The following KDM4B variants were observed in gnomAD, a reference collection of about 807,000 sequenced individuals.
KDM4B encodes the protein lysine-specific demethylase 4B.
A neutral mutation model predicts 125.2 loss-of-function variants in KDM4B; 32 were observed. That is an observed-to-expected ratio of 0.26 (90% CI 0.19 to 0.34). KDM4B has a LOEUF of 0.34. Among genes scored for constraint, KDM4B ranks in the 10% least tolerant of loss-of-function variants. The probability of loss-of-function intolerance (pLI) is 1.00; values close to 1 mark genes in which losing one functional copy is unlikely to be tolerated. For synonymous variants in KDM4B, 721 were observed against 677.9 expected (o/e 1.06, Z -0.99); for missense variants, 1,190 against 1,577.7 (o/e 0.75, Z 4.16).
intron 10 of KDM4B, chr19:5,111,857 G>T (rs772711975): frequency 2.6e-6 from 2 of 763,718 alleles, no homozygotes; most frequent in Non-Finnish European, 4.8e-6. Context: ...AGAAATGCGC[G>T]TGGCTGTGTC....
chr19:5,022,025 C>T (rs765137677), intron 2 of KDM4B, among the ~76,000 whole-genome samples: 1 of 152,120 alleles, frequency 6.6e-6, no homozygotes, highest in South Asian at 2.1e-4. Context: ...TGTGATCGTC[C>T]GTTTGTTTTC....
At position 5,153,468 on chromosome 19, in the gene KDM4B, C is replaced by A. The variant is rs1247425479; in HGVS notation, c.*1957C>A. On this transcript the variant is annotated 3_prime_UTR_variant, in exon 23 of 23. Coordinates refer to ENST00000159111, the MANE Select transcript of KDM4B (RefSeq NM_015015.3). Reference sequence around the variant, plus strand: ...CACGAAGGTATCTCTGTGTCTTACTCTGTGCAAAGACGCGGCAAAACCCAG... The same window carrying A: ...CACGAAGGTATCTCTGTGTCTTACTATGTGCAAAGACGCGGCAAAACCCAG... The A allele has an allele frequency of 6.6e-6, 1 of 152,246 alleles. No homozygotes were observed. The highest frequency in any genetic ancestry group is 1.5e-5 in the Non-Finnish European group (1 of 68,070). 9.4% of individuals were successfully genotyped at this position (152,246 alleles called of 1,614,324 possible).
intron 21 of KDM4B, among the ~76,000 whole-genome samples, chr19:5,149,916 A>G (rs990353003): frequency 1.3e-5 from 2 of 152,226 alleles, no homozygotes; most frequent in Non-Finnish European, 2.9e-5. Flanking sequence ...TCCTGAGCTC[A>G]GGCCCCTGAG....
rs562459375 is a variant in KDM4B at position 5,101,314 on chromosome 19, T to G, written c.919-9308T>G. Among the ~76,000 whole-genome samples the G allele has an allele frequency of 1.1e-4, 16 of 150,718 alleles. No homozygotes were observed. In the East Asian group the frequency reaches 2.9e-3, roughly 27 times the overall value. ...AGTTTATTTTGATCTCTGGGGATCA[T>G]AGTGCAGGCCCATCTCTCTGATGCT... is the stretch of plus-strand genomic sequence containing the variant. On this transcript the variant is annotated intron_variant, in intron 9 of 22. Transcript: ENST00000159111.
intron 21 of KDM4B, among the ~76,000 whole-genome samples, chr19:5,145,283 A>G (rs2039822731): frequency 6.6e-6 from 1 of 151,972 alleles, no homozygotes; most frequent in African/African-American, 2.4e-5. Flanking sequence ...GAATTATTTA[A>G]AAGTGTGGAA....
chr19:5,086,646 C>A (rs2038507776), intron 9 of KDM4B, among the ~76,000 whole-genome samples: 1 of 131,810 alleles, frequency 7.6e-6, no homozygotes, highest in South Asian at 2.3e-4. Flanking sequence ...GCCACCTCCT[C>A]CCCCCCCCAG....
chr19:5,136,428 A>G (rs1046166481), intron 15 of KDM4B, among the ~76,000 whole-genome samples: 4 of 152,188 alleles, frequency 2.6e-5, no homozygotes, highest in African/African-American at 9.6e-5. Flanking sequence ...TGCCCCTGGC[A>G]GCCATAGATC....
At chr19:5,099,507 G>A (rs1217697907) in intron 9 of KDM4B, among the ~76,000 whole-genome samples, 2 of 152,238 alleles carry the variant, frequency 1.3e-5, no homozygotes, top group African/African-American at 4.8e-5. Flanking sequence ...AGATGAACTG[G>A]AAATCTCAGA....
At chr19:5,019,954 G>C (rs2036049145) in intron 2 of KDM4B, among the ~76,000 whole-genome samples, 1 of 146,250 alleles carries the variant, frequency 6.8e-6, no homozygotes, top group South Asian at 2.2e-4. Context: ...GTGTTAGTGT[G>C]CAGGTGTTAG....
At chr19:4,969,327 G>C (rs1211174152) in intron 1 of KDM4B, 97 bp downstream of exon 1, 1 of 146,248 alleles carries the variant, frequency 6.8e-6, no homozygotes, top group Non-Finnish European at 1.5e-5. Context: ...GCGCGCCCGG[G>C]ACTCGAGGCC....
intron 6 of KDM4B, among the ~76,000 whole-genome samples, chr19:5,057,070 G>GCA (rs2037432294): frequency 6.6e-6 from 1 of 151,680 alleles, no homozygotes; most frequent in Non-Finnish European, 1.5e-5. Context: ...GTGTGTGCGC[G>GCA]CGCGCGCGTA....
intron 9 of KDM4B, among the ~76,000 whole-genome samples, chr19:5,091,200 G>GTC (rs2038695722): frequency 6.6e-6 from 1 of 152,208 alleles, no homozygotes; most frequent in African/African-American, 2.4e-5. Flanking sequence ...GTAGATAAGG[G>GTC]TCTCTCCTCC....
chr19:4,991,784 G>A (rs901934429), intron 1 of KDM4B, among the ~76,000 whole-genome samples: 4 of 152,312 alleles, frequency 2.6e-5, no homozygotes, highest in African/African-American at 4.8e-5. Context: ...AGGCCCTGGC[G>A]ACGGCTGAGG....
rs1349575369 is a variant in KDM4B at position 5,142,911 on chromosome 19, G to A, written c.2551-1056G>A. The stretch of plus-strand genomic sequence containing the variant: ...TAGCTGGGCCTGGCGTGGGTGTGGC[G>A]GCCGCCAGGGCCCCGGTGCTGGCTC... On this transcript the variant is annotated intron_variant, in intron 18 of 22. Coordinates refer to ENST00000159111, the MANE Select transcript of KDM4B (RefSeq NM_015015.3). The surrounding 1 kb of genome is among the most constrained non-coding windows in gnomAD (Gnocchi z 5.4). 4.6e-5 allele frequency among the ~76,000 whole-genome samples: 7 copies of A among 152,036 alleles called. No individual in the cohort carries two copies. Among genetic ancestry groups the A allele is most frequent in the East Asian group, 1.9e-4 (1 of 5,180 alleles).
At chr19:4,984,612 T>TG (rs1238969615) in intron 1 of KDM4B, among the ~76,000 whole-genome samples, 1 of 152,108 alleles carries the variant, frequency 6.6e-6, no homozygotes, top group Non-Finnish European at 1.5e-5. Context: ...CCGGTGAACT[T>TG]GGAGTGTGTT....
intron 9 of KDM4B, among the ~76,000 whole-genome samples, chr19:5,107,020 C>T (rs116647614): frequency 3.4e-4 from 52 of 152,342 alleles, no homozygotes; most frequent in African/African-American, 1.1e-3. Context: ...GGCAGTGGGA[C>T]CCTGGCTTCA....
At chr19:5,111,569 T>A (rs1185322252) in intron 10 of KDM4B, 2 of 754,410 alleles carry the variant, frequency 2.7e-6, no homozygotes, top group Admixed American at 3.4e-5. Context: ...CCCCAGCCCC[T>A]CCTCTGGGAA....
At chr19:5,150,486 ACT>A (rs2146124127) in intron 22 of KDM4B, 36 bp downstream of exon 22, 1 of 1,462,274 alleles carries the variant, frequency 6.8e-7, no homozygotes, top group Admixed American at 2.0e-5. Flanking sequence ...GCTCCGGGTG[ACT>A]CAGGGAGCCC....
chr19:4,969,486 G>T (rs2034168760), intron 1 of KDM4B, among the ~76,000 whole-genome samples: 1 of 149,080 alleles, frequency 6.7e-6, no homozygotes. Flanking sequence ...GCGCCCAGGG[G>T]CGGGAGCGGG....
Sources: allele counts gnomAD v4.1 joint callset (sites outside exome capture counted in the v4.1 genomes callset), GRCh38; gene constraint gnomAD v4.1.1; non-coding constraint Gnocchi (gnomAD v3.1); transcripts MANE v1.5; gene names NCBI Gene and HGNC (gene_info 2026-07-23, HGNC 2026-07-21).